NME9: variants seen among roughly 807,000 people sequenced by gnomAD.
NME9 encodes NME/NM23 family member 9, also known as thioredoxin domain-containing protein 6.
Under a neutral mutation model 44.4 loss-of-function variants are expected in NME9, and 48 were observed. The observed-to-expected ratio is 1.08, with a 90% confidence interval of 0.86 to 1.37. The LOEUF is 1.37. Among genes scored for constraint, NME9 ranks in the 40% most tolerant of loss-of-function variants. The pLI is 0.00. For synonymous variants in NME9, 139 were observed against 147.1 expected, an observed-to-expected ratio of 0.94 and a Z score of 0.40; for missense variants, 325 against 405.2, an observed-to-expected ratio of 0.80 and a Z score of 1.70.
At chr3:138,277,880 C>T (rs2049458627) in intron 8 of NME9, among the ~76,000 whole-genome samples, 1 of 152,134 alleles carries the variant, frequency 6.6e-6, no homozygotes, top group Non-Finnish European at 1.5e-5. Context: ...CCTCAACAAA[C>T]TATGGTGCAT....
At chr3:138,323,973 T>G (rs2053620030) in intron 2 of NME9, among the ~76,000 whole-genome samples, 1 of 152,194 alleles carries the variant, frequency 6.6e-6, no homozygotes, top group African/African-American at 2.4e-5. Context: ...CAGCTTCTGA[T>G]GAGCAGAGTA....
rs2053008094 is a variant in NME9, at chr3:138,315,486, C to T, written c.384+41G>A. On this transcript the variant is annotated intron_variant, in intron 5 of 10. Coordinates refer to ENST00000333911, the MANE Select transcript of NME9 (RefSeq NM_001349018.2). ...GACTGCTGATCTCGCCCTACTAGCG[C>T]ACTTGTGAGTTAGCTGCTTATAGAA... 6 of 1,348,542 alleles carry T rather than the reference C, an allele frequency of 4.4e-6. No homozygotes were observed. The East Asian group carries it at 1.5e-4, about 34-fold the overall frequency. The allele number at this position is 1,348,542 out of a possible 1,614,324, so 83.5% of individuals were successfully genotyped here.
intron 8 of NME9, among the ~76,000 whole-genome samples, chr3:138,305,643 T>C (rs1203483062): frequency 6.6e-6 from 1 of 152,188 alleles, no homozygotes; most frequent in Non-Finnish European, 1.5e-5. Flanking sequence ...GGTAGTTAGA[T>C]CTGAGTTATC....
intron 8 of NME9, among the ~76,000 whole-genome samples, chr3:138,280,464 C>T (rs1463738159): frequency 6.6e-6 from 1 of 150,616 alleles, no homozygotes; most frequent in South Asian, 2.1e-4. Flanking sequence ...ATTACAGGTG[C>T]CCACCACCAT....
intron 8 of NME9, among the ~76,000 whole-genome samples, chr3:138,266,412 C>T (rs2108277998): frequency 6.6e-6 from 1 of 152,178 alleles, no homozygotes; most frequent in African/African-American, 2.4e-5. Flanking sequence ...CTGTTGGGGC[C>T]AGATTTGACA....
At chr3:138,283,464 C>G (rs1305635957) in intron 8 of NME9, among the ~76,000 whole-genome samples, 2 of 152,166 alleles carry the variant, frequency 1.3e-5, no homozygotes, top group Admixed American at 6.5e-5. Context: ...TTCATGCCTT[C>G]TCTATTCTCT....
intron 8 of NME9, among the ~76,000 whole-genome samples, chr3:138,280,797 T>C (rs1346744191): frequency 2.6e-5 from 4 of 152,060 alleles, no homozygotes; most frequent in African/African-American, 7.2e-5. Context: ...TGGCCAACTT[T>C]TTGTATTTTT....
Position 138,319,488 on chromosome 3 carries a change from T to C in NME9, c.185A>G (p.His62Arg). The C allele has an allele frequency of 1.9e-6, 3 of 1,595,430 alleles. No individual in the cohort carries two copies. Among genetic ancestry groups the C allele is most frequent in the Admixed American group, 1.7e-5 (1 of 59,994 alleles). The change falls in exon 3 of 11, where the codon CAC becomes CGC. Residue 62 changes from histidine (H) to arginine (R), a missense_variant. By Grantham distance (29) the His-to-Arg change is conservative. Transcript: ENST00000333911. ...MRIEVGLDLL[H>R]FALAEADRLD... ...GAGAGAGAATCTTACTAATGCAAAG[T>C]GCAGAAGGTCCAGGCCGACCTCGAT...
At position 138,275,842 on chromosome 3, in the gene NME9, A is replaced by T. The variant is rs548056757; in HGVS notation, c.746-13256T>A. Among the ~76,000 whole-genome samples the T allele has an allele frequency of 5.9e-5, 9 of 152,278 alleles. No individual in the cohort carries two copies. The South Asian group carries it at 1.7e-3, about 28-fold the overall frequency. ...GATATTTTACGTGATATCTCTTAAA[A>T]TTTTTTTTAAAACTGTGTTTTGATG... On this transcript the variant is annotated intron_variant, in intron 8 of 8. Coordinates refer to the NME9 transcript ENST00000317876.
chr3:138,319,554 C>A lies in NME9; in HGVS notation c.119G>T (p.Gly40Val). 2.5e-6 allele frequency: 4 copies of A among 1,612,820 alleles called. No individual in the cohort carries two copies. Among genetic ancestry groups the A allele is most frequent in the Non-Finnish European group, 3.4e-6 (4 of 1,178,868 alleles). ...TVVDVYQGWC[G>V]PCKPVVSLFQ... ...GAGGCTCACCACAGGTTTGCAGGGG[C>A]CACACCAGCCTTGATAGACATCAAC... The change falls in exon 3 of 11, where the codon GGC (glycine) becomes GTC (valine). Residue 40 changes from glycine to valine, a missense_variant. By Grantham distance (109) the Gly-to-Val change is moderately radical. Transcript: ENST00000333911.
downstream of NME9, chr3:138,298,257 A>G (rs184483757): frequency 6.6e-6 from 1 of 152,322 alleles, no homozygotes; most frequent in Non-Finnish European, 1.5e-5. Flanking sequence ...AGAATGTCCA[A>G]TTTAATAAGT....
intron 8 of NME9, chr3:138,263,526 C>T (rs145545569): frequency 1.4e-5 from 8 of 586,140 alleles, no homozygotes; most frequent in East Asian, 1.1e-4. Flanking sequence ...CTGCCCCTTA[C>T]GCCTGTCATT....
chr3:138,308,957 A>C (rs372985166), intron 6 of NME9, among the ~76,000 whole-genome samples: 36 of 151,098 alleles, frequency 2.4e-4, no homozygotes, highest in African/African-American at 6.3e-4. Flanking sequence ...AAAAAAAAAA[A>C]AAAAAAAAAA....
chr3:138,264,187 A>G (rs1379217290), intron 8 of NME9: 1 of 1,613,974 alleles, frequency 6.2e-7, no homozygotes, highest in East Asian at 2.2e-5. Context: ...TTCCAGGATC[A>G]TGCTGTTTGG....
chr3:138,262,259 A>G (rs974470503), exon 9 of NME9: 11 of 316,916 alleles, frequency 3.5e-5, no homozygotes, highest in Admixed American at 1.4e-4. Context: ...AGAGGTGACA[A>G]TGAGGACAGA....
At chr3:138,309,886 G>C (rs956019745) in intron 6 of NME9, among the ~76,000 whole-genome samples, 4 of 152,090 alleles carry the variant, frequency 2.6e-5, no homozygotes, top group Admixed American at 2.6e-4. Context: ...AATTAGCCAG[G>C]TGTGGTGGTC....
chr3:138,315,740 T>A, intron 4 of NME9, 97 bp from the exon 5 acceptor site: 1 of 939,980 alleles, frequency 1.1e-6, no homozygotes, highest in Admixed American at 2.1e-5. Context: ...AAGTTCAAGG[T>A]CCCTCAACCC....
Position 138,285,699 on chromosome 3 carries a change from C to T in NME9, c.745+17808G>A, listed in dbSNP as rs971993514. Among the ~76,000 whole-genome samples, 47 of 152,206 alleles carry T rather than the reference C, an allele frequency of 3.1e-4. 1 individual carries two copies. Among genetic ancestry groups the T allele is most frequent in the Non-Finnish European group, 4.4e-5 (3 of 68,036 alleles). ...GTGTGCCTACTGGGTGTCTTTACCA[C>T]AGCGTAAGTTCCATGAGGGCAGGGA... is the stretch of plus-strand genomic sequence containing the variant. On this transcript the variant is annotated intron_variant, in intron 8 of 8. Transcript: ENST00000317876.
At chr3:138,293,146 A>G (rs770972814) in intron 8 of NME9, among the ~76,000 whole-genome samples, 1 of 152,140 alleles carries the variant, frequency 6.6e-6, no homozygotes, top group Non-Finnish European at 1.5e-5. Flanking sequence ...GGGGAGAGGA[A>G]CTTAACTAAC....
Sources: allele counts gnomAD v4.1 joint callset (sites outside exome capture counted in the v4.1 genomes callset), GRCh38; gene constraint gnomAD v4.1.1; transcripts MANE v1.5; gene names NCBI Gene and HGNC (gene_info 2026-07-23, HGNC 2026-07-21).